Variants in LYPD6 observed in about 807,000 individuals in gnomAD.
The protein encoded by LYPD6 is ly6/PLAUR domain-containing protein 6.
LYPD6 carries 15 observed loss-of-function variants against 22.7 expected under a neutral mutation model. That is an observed-to-expected ratio of 0.66 (90% CI 0.44 to 1.02). LYPD6 has a LOEUF of 1.02. Ranked by LOEUF, LYPD6 falls within the 50% of genes least tolerant of loss-of-function variation. The probability of loss-of-function intolerance (pLI) is 0.00; values close to 1 mark genes in which losing one functional copy is unlikely to be tolerated. For missense variants in LYPD6, 189 were observed against 208.4 expected (o/e 0.91, Z 0.57); for synonymous variants, 72 against 77.5 (o/e 0.93, Z 0.37).
chr2:149,430,579 TA>T (rs1341482278), intron 1 of LYPD6, among the ~76,000 whole-genome samples: 1 of 152,236 alleles, frequency 6.6e-6, no homozygotes, highest in Admixed American at 6.5e-5. Context: ...TATTAAAAAT[TA>T]AATCAAGATT....
At chr2:149,342,445 C>G (rs896746195) in intron 1 of LYPD6, among the ~76,000 whole-genome samples, 4 of 152,088 alleles carry the variant, frequency 2.6e-5, no homozygotes, top group African/African-American at 7.2e-5. Flanking sequence ...TTCTTTTTCT[C>G]TGTGTCACAT....
chr2:149,441,916 T>G (rs1392929621), intron 2 of LYPD6, among the ~76,000 whole-genome samples: 2 of 152,162 alleles, frequency 1.3e-5, no homozygotes, highest in Non-Finnish European at 2.9e-5. Context: ...TCCTTAATCA[T>G]GTACACCAAA....
chr2:149,482,614 T>C, the LYPD6 span, among the ~76,000 whole-genome samples: 1 of 152,192 alleles, frequency 6.6e-6, no homozygotes, highest in South Asian at 2.1e-4. Context: ...TCCCCTTTTA[T>C]TCCAATAAAG....
At chr2:149,426,806 T>A (rs1683197632) in intron 1 of LYPD6, among the ~76,000 whole-genome samples, 2 of 152,204 alleles carry the variant, frequency 1.3e-5, no homozygotes, top group Admixed American at 1.3e-4. Flanking sequence ...CCCTTAATAA[T>A]GTGGGTAAGC....
At chr2:149,418,962 A>C (rs1683022654) in intron 1 of LYPD6, among the ~76,000 whole-genome samples, 1 of 152,212 alleles carries the variant, frequency 6.6e-6, no homozygotes, top group Non-Finnish European at 1.5e-5. Context: ...GCTTCAATTC[A>C]AATTTTGAGT....
At chr2:149,476,734 C>T (rs1252618944), downstream of LYPD6, among the ~76,000 whole-genome samples, 1 of 152,212 alleles carries the variant, frequency 6.6e-6, no homozygotes, top group Non-Finnish European at 1.5e-5. Context: ...CTTCCATCTA[C>T]AGAGGAGCGT....
At chr2:149,467,653 T>C (rs1681230956) in intron 3 of LYPD6, among the ~76,000 whole-genome samples, 1 of 152,166 alleles carries the variant, frequency 6.6e-6, no homozygotes, top group Non-Finnish European at 1.5e-5. Flanking sequence ...CCACTAAATA[T>C]CTGAAATGTA....
chr2:149,383,747 A>C (rs1361155474), intron 1 of LYPD6, among the ~76,000 whole-genome samples: 1 of 152,228 alleles, frequency 6.6e-6, no homozygotes, highest in African/African-American at 2.4e-5. Flanking sequence ...TTGCTTTTGG[A>C]TAATAGTGGG....
At chr2:149,369,826 A>G (rs998049718) in intron 1 of LYPD6, among the ~76,000 whole-genome samples, 2 of 152,092 alleles carry the variant, frequency 1.3e-5, no homozygotes, top group Admixed American at 6.5e-5. Flanking sequence ...GAAGTGGGAA[A>G]TTGTTGGTTT....
At chr2:149,458,462 C>T (rs372795630) in intron 3 of LYPD6, among the ~76,000 whole-genome samples, 34 of 152,114 alleles carry the variant, frequency 2.2e-4, no homozygotes, top group African/African-American at 8.0e-4. Context: ...ATTAATGAGG[C>T]ACTCTTACCA....
intron 1 of LYPD6, among the ~76,000 whole-genome samples, chr2:149,408,150 G>T (rs562964550): frequency 1.7e-4 from 26 of 152,272 alleles, no homozygotes; most frequent in South Asian, 4.2e-4. Context: ...CCTACTTGGG[G>T]GTGCCTCCCA....
chr2:149,381,484 G>C (rs1035334015), intron 1 of LYPD6, among the ~76,000 whole-genome samples: 8 of 152,152 alleles, frequency 5.3e-5, no homozygotes, highest in African/African-American at 1.9e-4. Flanking sequence ...GAGAGAGGTG[G>C]TGGTGAGACC....
At chr2:149,347,930 G>C (rs890404033) in intron 1 of LYPD6, among the ~76,000 whole-genome samples, 4 of 151,922 alleles carry the variant, frequency 2.6e-5, no homozygotes, top group Non-Finnish European at 4.4e-5. Flanking sequence ...AAAAAATAGA[G>C]TGGAGCTGGG....
intron 1 of LYPD6, among the ~76,000 whole-genome samples, chr2:149,428,042 T>G (rs1683223684): frequency 6.6e-6 from 1 of 152,336 alleles, no homozygotes; most frequent in South Asian, 2.1e-4. Flanking sequence ...CAGTTAAGAT[T>G]GGGTATGCAT....
At position 149,399,636 on chromosome 2, in the gene LYPD6, C is replaced by T. The variant is rs115458126; in HGVS notation, c.-71-38002C>T. 7.6e-3 allele frequency among the ~76,000 whole-genome samples: 1,120 copies of T among 147,562 alleles called. 15 individuals are homozygous for T. The highest frequency in any genetic ancestry group is 0.026 in the African/African-American group (1,043 of 40,174). On this transcript the variant is annotated intron_variant, in intron 1 of 4. Transcript: ENST00000334166. ...AGAAGATCAAGTGGAAGAGCAAAAA[C>T]ATATAAAAATATAAAAATAAAAGTG...
At chr2:149,402,555 A>AT (rs1682583561) in intron 1 of LYPD6, among the ~76,000 whole-genome samples, 1 of 151,764 alleles carries the variant, frequency 6.6e-6, no homozygotes, top group Non-Finnish European at 1.5e-5. Flanking sequence ...AACATCTGTT[A>AT]TTTTTGATTA....
intron 2 of LYPD6, among the ~76,000 whole-genome samples, chr2:149,445,380 A>AGAATCAGCCTGTCCTTTGAAGCCAGGCAT (rs1683665312): frequency 1.3e-5 from 2 of 152,242 alleles, no homozygotes; most frequent in African/African-American, 4.8e-5. Context: ...ACCTAACAAA[A>AGAATCAGCCTGTCCTTTGAAGCCAGGCAT]GAATCAGCCT....
intron 1 of LYPD6, among the ~76,000 whole-genome samples, chr2:149,379,474 T>A (rs1462036782): frequency 6.6e-6 from 1 of 152,236 alleles, no homozygotes; most frequent in Non-Finnish European, 1.5e-5. Context: ...GAATAGACCT[T>A]CATTTTACAA....
chr2:149,383,497 C>T (rs1682114434), intron 1 of LYPD6, among the ~76,000 whole-genome samples: 2 of 152,004 alleles, frequency 1.3e-5, no homozygotes, highest in Admixed American at 6.6e-5. Flanking sequence ...TGTGCGTTGC[C>T]ACATGTACAG....
Sources: allele counts gnomAD v4.1 joint callset (sites outside exome capture counted in the v4.1 genomes callset), GRCh38; gene constraint gnomAD v4.1.1; transcripts MANE v1.5; gene names NCBI Gene and HGNC (gene_info 2026-07-23, HGNC 2026-07-21).